KIF26B: variants seen among roughly 807,000 people sequenced by gnomAD.
KIF26B encodes the protein kinesin family member 26B, also known as kinesin-like protein KIF26B.
In KIF26B, 63 loss-of-function variants were observed where a neutral mutation model predicts 151.2. That is an observed-to-expected ratio of 0.42 (90% CI 0.34 to 0.51). KIF26B has a LOEUF of 0.51. Ranked by LOEUF, KIF26B falls within the 20% of genes least tolerant of loss-of-function variation. The pLI is 0.07. For missense variants in KIF26B, 2,813 were observed against 2,913.6 expected, an observed-to-expected ratio of 0.97 and a Z score of 0.79; for synonymous variants, 1,357 against 1,262.1, an observed-to-expected ratio of 1.08 and a Z score of -1.59.
At chr1:245,189,416 C>T (rs568251177) in intron 2 of KIF26B, among the ~76,000 whole-genome samples, 39 of 152,282 alleles carry the variant, frequency 2.6e-4, no homozygotes, top group Middle Eastern at 3.4e-3. Context: ...ATTTCCATAA[C>T]AAAACAGCAA....
intron 9 of KIF26B, among the ~76,000 whole-genome samples, chr1:245,621,206 ACGGTGCGGGAAGG>A (rs1279737473): frequency 6.6e-6 from 1 of 152,210 alleles, no homozygotes; most frequent in Non-Finnish European, 1.5e-5. Flanking sequence ...AGGAACTACG[ACGGTGCGGGAAGG>A]CGAGTTAAAA....
Position 245,687,078 on chromosome 1 carries a change from G to C in KIF26B, c.4095G>C (p.Val1365=). 6.2e-7 allele frequency: 1 copy of C among 1,613,452 alleles called. No homozygotes were observed. The highest frequency in any genetic ancestry group is 8.5e-7 in the Non-Finnish European group (1 of 1,179,852). ...TCAAAGGCTGCAAAATATCCACAGT[G>C]AGCAAGGCCATGGTCACCATCTCCA... The part of the protein sequence containing the change: ...APIKGCKIST[V]SKAMVTISNT... The change falls in exon 12 of 15, where the codon GTG becomes GTC. Residue 1365 remains valine (V), a synonymous_variant. Coordinates refer to ENST00000407071, the MANE Select transcript of KIF26B (RefSeq NM_018012.4). This position sits in a 1 kb window ranked among gnomAD's most constrained non-coding sequence, Gnocchi z 4.9.
rs1027686511 is a variant in KIF26B at position 245,667,966 on chromosome 1, G to A, written c.2259-16267G>A. On this transcript the variant is annotated intron_variant, in intron 10 of 14. Coordinates refer to ENST00000407071, the MANE Select transcript of KIF26B (RefSeq NM_018012.4). This position sits in a 1 kb window ranked among gnomAD's most constrained non-coding sequence, Gnocchi z 4.3. ...AGTGCAGTGCAGTGGCGCAATCTCA[G>A]CTCACTGCAACTTCCACCTCCCAGG... Among the ~76,000 whole-genome samples, 1 of 152,170 alleles carries A rather than the reference G, an allele frequency of 6.6e-6. No homozygotes were observed. The highest frequency in any genetic ancestry group is 1.5e-5 in the Non-Finnish European group (1 of 68,036).
intron 2 of KIF26B, among the ~76,000 whole-genome samples, chr1:245,277,404 G>T (rs1427170572): frequency 6.6e-6 from 1 of 152,132 alleles, no homozygotes; most frequent in Non-Finnish European, 1.5e-5. Flanking sequence ...TTTTGACTAG[G>T]GATTTCTGTT....
chr1:245,195,723 G>A (rs1169904689), intron 2 of KIF26B, among the ~76,000 whole-genome samples: 1 of 152,200 alleles, frequency 6.6e-6, no homozygotes, highest in African/African-American at 2.4e-5. Flanking sequence ...CACCGAAAGA[G>A]CTATGTTTTG....
At chr1:245,354,731 C>T (rs1672646159) in intron 2 of KIF26B, among the ~76,000 whole-genome samples, 1 of 152,158 alleles carries the variant, frequency 6.6e-6, no homozygotes, top group East Asian at 1.9e-4. Flanking sequence ...TCAGTACCTC[C>T]ACATAAGGGA....
In KIF26B at chr1:245,686,978, A is replaced by C; in HGVS notation, c.3995A>C (p.Lys1332Thr). 2 of 1,613,622 alleles carry C rather than the reference A, an allele frequency of 1.2e-6. No individual in the cohort carries two copies. The highest frequency in any genetic ancestry group is 8.5e-7 in the Non-Finnish European group (1 of 1,179,844). The change falls in exon 12 of 15, where the codon AAG becomes ACG. Residue 1332 changes from lysine (K) to threonine (T), a missense_variant. Coordinates refer to ENST00000407071, the MANE Select transcript of KIF26B (RefSeq NM_018012.4). This position sits in a 1 kb window ranked among gnomAD's most constrained non-coding sequence, Gnocchi z 5.6. ...AACACCGCTGTGGTGTGCAGAGAGA[A>C]GCCCAAGGCCAGCCCCGACAACTTG... ...LQNTAVVCRE[K>T]PKASPDNLLI...
At chr1:245,480,122 A>C (rs1255355512) in intron 4 of KIF26B, among the ~76,000 whole-genome samples, 5 of 151,354 alleles carry the variant, frequency 3.3e-5, no homozygotes, top group Non-Finnish European at 1.5e-5. Flanking sequence ...CAAACAACAA[A>C]CAAAAAACTA....
At chr1:245,411,371 G>A (rs1331126615) in intron 3 of KIF26B, among the ~76,000 whole-genome samples, 2 of 152,214 alleles carry the variant, frequency 1.3e-5, no homozygotes, top group South Asian at 2.1e-4. Context: ...GCTTAGTGAG[G>A]TCTGAGGCCT....
In KIF26B at chr1:245,617,088, G is replaced by T. The variant is rs552543241; in HGVS notation, c.2098+5112G>T. ...ATCAGACTCTTTAATCTGTTTTTTT[G>T]TTTGTTTGTTTGTTTGTTTGTTTTT... On this transcript the variant is annotated intron_variant, in intron 9 of 14. Coordinates refer to ENST00000407071, the MANE Select transcript of KIF26B (RefSeq NM_018012.4). Among the ~76,000 whole-genome samples, 282 of 89,644 alleles carry T rather than the reference G, an allele frequency of 3.1e-3. 2 individuals carry two copies. Among genetic ancestry groups the T allele is most frequent in the African/African-American group, 8.0e-3 (253 of 31,466 alleles). The allele number at this position is 89,644 out of a possible 152,430, so 58.8% of individuals were successfully genotyped here.
chr1:245,534,361 C>T (rs1044686136), intron 4 of KIF26B, among the ~76,000 whole-genome samples: 3 of 152,052 alleles, frequency 2.0e-5, no homozygotes, highest in African/African-American at 7.2e-5. Context: ...TGGGGTTTCA[C>T]CATGTTAGCC....
rs773245496 is a variant in KIF26B, at chr1:245,156,463, C to T, written c.245C>T (p.Thr82Ile). The change falls in exon 2 of 15, where the codon ACC (threonine) becomes ATC (isoleucine). Residue 82 changes from threonine (T) to isoleucine (I), a missense_variant. Coordinates refer to ENST00000407071, the MANE Select transcript of KIF26B (RefSeq NM_018012.4). ...GSGTSSPSSF[T>I]GSPGPASPGI... ...GGCACCTCGTCCCCGAGCTCGTTCA[C>T]CGGCTCCCCGGGACCCGCCTCCCCC... 8 of 1,524,836 alleles carry T rather than the reference C, an allele frequency of 5.2e-6. No individual in the cohort carries two copies. In the Admixed American group the frequency reaches 1.0e-4, roughly 19 times the overall value. The allele number at this position is 1,524,836 out of a possible 1,614,324, so 94.5% of individuals were successfully genotyped here.
chr1:245,687,862 C>G lies in KIF26B; in HGVS notation c.4879C>G (p.Leu1627Val), dbSNP rs1275326990. ...SASGSGTSSP[L>V]NQPAAFPAGL... is the part of the protein sequence containing the mutation. ...CAGCGGCAGCGGCACCAGCAGCCCC[C>G]TGAACCAACCAGCCGCCTTCCCGGC... Residue 1627 changes from leucine (L) to valine (V), a missense_variant, in exon 12 of 15, where the codon CTG (leucine) becomes GTG (valine). Physicochemically the swap from Leu to Val is conservative, Grantham distance 32. Around this residue, in one of 3 missense-constraint regions of KIF26B, gnomAD observed 2,060 missense variants for 2,088.6 expected, o/e 0.99. Coordinates refer to ENST00000407071, the MANE Select transcript of KIF26B (RefSeq NM_018012.4). This position sits in a 1 kb window ranked among gnomAD's most constrained non-coding sequence, Gnocchi z 4.9. 1 of 1,593,294 alleles carries G rather than the reference C, an allele frequency of 6.3e-7. No homozygotes were observed. The highest frequency in any genetic ancestry group is 1.7e-5 in the Admixed American group (1 of 57,744).
chr1:245,589,348 C>G (rs1033554604), intron 5 of KIF26B, among the ~76,000 whole-genome samples: 1 of 152,118 alleles, frequency 6.6e-6, no homozygotes, highest in South Asian at 2.1e-4. Flanking sequence ...GCTGTGATCT[C>G]GCAGGCTGGC....
intron 5 of KIF26B, among the ~76,000 whole-genome samples, chr1:245,559,682 G>A (rs955944848): frequency 3.9e-5 from 6 of 152,170 alleles, no homozygotes; most frequent in African/African-American, 7.2e-5. Flanking sequence ...AAAGTGCTGG[G>A]ACTACAGGCG....
chr1:245,484,766 C>CTTCTT (rs1558184420), intron 4 of KIF26B, among the ~76,000 whole-genome samples: 4 of 123,288 alleles, frequency 3.2e-5, no homozygotes, highest in Middle Eastern at 4.0e-3. Context: ...TCTTCTTCTT[C>CTTCTT]ATATTATTAT....
At chr1:245,356,263 T>C (rs1672695727) in intron 2 of KIF26B, among the ~76,000 whole-genome samples, 1 of 151,978 alleles carries the variant, frequency 6.6e-6, no homozygotes, top group Admixed American at 6.6e-5. Flanking sequence ...GGGATAAAAA[T>C]TCCTAAGAAA....
chr1:245,226,546 T>C (rs985744658), intron 2 of KIF26B, among the ~76,000 whole-genome samples: 11 of 151,954 alleles, frequency 7.2e-5, no homozygotes, highest in African/African-American at 2.4e-4. Flanking sequence ...CCCTGCAACC[T>C]CCTTTTCCCA....
intron 2 of KIF26B, among the ~76,000 whole-genome samples, chr1:245,351,275 C>T (rs1402978792): frequency 6.6e-6 from 1 of 152,198 alleles, no homozygotes; most frequent in African/African-American, 2.4e-5. Context: ...TCCTGTTTTT[C>T]TGTCATCGCT....
Sources: allele counts gnomAD v4.1 joint callset (sites outside exome capture counted in the v4.1 genomes callset), GRCh38; gene constraint gnomAD v4.1.1; regional missense constraint gnomAD v4.1.1; non-coding constraint Gnocchi (gnomAD v3.1); transcripts MANE v1.5; gene names NCBI Gene and HGNC (gene_info 2026-07-23, HGNC 2026-07-21).